The following TENT5D variants were observed in gnomAD, a reference collection of about 807,000 sequenced individuals.
TENT5D encodes the protein terminal nucleotidyltransferase 5D.
For missense variants in TENT5D, 191 were observed against 287.0 expected (o/e 0.67, Z 2.42); for synonymous variants, 103 against 100.6 (o/e 1.02, Z -0.15).
intron 1 of TENT5D, among the ~76,000 whole-genome samples, chrX:80,421,950 G>C (rs1176384621): frequency 9.0e-6 from 1 of 111,031 alleles, no homozygotes; most frequent in Admixed American, 9.6e-5. Context: ...TCGGGGGGTG[G>C]GAAAAAAAGT....
chrX:80,379,801 G>A (rs1384738432), intron 3 of TENT5D, among the ~76,000 whole-genome samples: 1 of 110,454 alleles, frequency 9.1e-6, no homozygotes, highest in Non-Finnish European at 1.9e-5. Flanking sequence ...GATCTGTGGT[G>A]ATATCCCCTT....
chrX:80,381,807 A>C (rs1297352680), intron 3 of TENT5D, among the ~76,000 whole-genome samples: 1 of 111,807 alleles, frequency 8.9e-6, no homozygotes, highest in East Asian at 2.8e-4. Flanking sequence ...TTTCAGCTCC[A>C]TCAGGTCATT....
intron 3 of TENT5D, among the ~76,000 whole-genome samples, chrX:80,373,194 A>T (rs921118898): frequency 4.5e-5 from 5 of 111,275 alleles, no homozygotes; most frequent in Admixed American, 9.6e-5. Context: ...ATACATTTTT[A>T]AAAATAATTT....
intron 3 of TENT5D, among the ~76,000 whole-genome samples, chrX:80,368,270 G>A (rs936114469): frequency 9.0e-6 from 1 of 111,651 alleles, no homozygotes; most frequent in Non-Finnish European, 1.9e-5. Flanking sequence ...AGAACAGTGA[G>A]GGCCTCCTTG....
intron 3 of TENT5D, among the ~76,000 whole-genome samples, chrX:80,394,320 GT>G (rs202247300): frequency 2.7e-4 from 20 of 75,008 alleles, no homozygotes; most frequent in South Asian, 6.4e-4. Context: ...ATGTTGAGCA[GT>G]TTTTTTTTTT....
intron 3 of TENT5D, among the ~76,000 whole-genome samples, chrX:80,370,500 G>A (rs1198431052): frequency 1.8e-5 from 2 of 111,707 alleles, no homozygotes; most frequent in African/African-American, 6.5e-5. Flanking sequence ...TATAGCATAT[G>A]TTTCACAATT....
chrX:80,397,990 A>G (rs1294278548), intron 3 of TENT5D, among the ~76,000 whole-genome samples: 2 of 111,341 alleles, frequency 1.8e-5, no homozygotes, highest in African/African-American at 3.3e-5. Flanking sequence ...AGAGGGAGCT[A>G]TACTGTTTTT....
At chrX:80,357,620 T>C (rs1006094731) in intron 3 of TENT5D, among the ~76,000 whole-genome samples, 7 of 111,671 alleles carry the variant, frequency 6.3e-5, no homozygotes, top group Non-Finnish European at 3.8e-5. Flanking sequence ...TGTTTTTTTC[T>C]TGTAAATTTG....
At chrX:80,361,239 A>G (rs750315101) in intron 3 of TENT5D, among the ~76,000 whole-genome samples, 6 of 112,129 alleles carry the variant, frequency 5.4e-5, no homozygotes, top group South Asian at 7.4e-4. Context: ...TTAGTTTATC[A>G]GTAGTTAAAA....
At position 80,379,280 on chromosome X, in the gene TENT5D, G is replaced by A. The variant is rs191409824; in HGVS notation, c.-142+36716G>A. 9.2e-4 allele frequency among the ~76,000 whole-genome samples: 100 copies of A among 109,178 alleles called. 1 individual carries two copies. In the East Asian group the frequency reaches 0.027, roughly 29 times the overall value. 94.8% of individuals were successfully genotyped at this position (109,178 alleles called of 115,157 possible). On this transcript the variant is annotated intron_variant, in intron 3 of 4. Transcript: ENST00000538312. Reference sequence around the variant, plus strand: ...GATTTGCATATGTTGAACCAGCATTGCATCCCAGGGATTAAGCCAACTTGA... The same window carrying A: ...GATTTGCATATGTTGAACCAGCATTACATCCCAGGGATTAAGCCAACTTGA...
chrX:80,347,683 C>T (rs1294155380), intron 3 of TENT5D, among the ~76,000 whole-genome samples: 1 of 111,845 alleles, frequency 8.9e-6, no homozygotes, highest in Non-Finnish European at 1.9e-5. Flanking sequence ...TTAATTAGAT[C>T]TCATTTGTCA....
At chrX:80,409,982 A>C (rs1429468751) in intron 3 of TENT5D, among the ~76,000 whole-genome samples, 1 of 109,976 alleles carries the variant, frequency 9.1e-6, no homozygotes, top group African/African-American at 3.3e-5. Context: ...ACCTGAGAAA[A>C]GCAATGGGGA....
At chrX:80,423,167 T>C (rs1184224870) in intron 1 of TENT5D, among the ~76,000 whole-genome samples, 3 of 112,119 alleles carry the variant, frequency 2.7e-5, no homozygotes, top group African/African-American at 9.7e-5. Flanking sequence ...TTGGTGACTG[T>C]TGAATTCACA....
Position 80,397,693 on chromosome X carries a change from G to A in TENT5D, c.-141-40917G>A, listed in dbSNP as rs976828389. ...TGCAATCCCGGCACCTCGGGAGGCC[G>A]AGGCTGGCGGATCACTCGCGGTTAG... On this transcript the variant is annotated intron_variant, in intron 3 of 4. Transcript: ENST00000538312. Among the ~76,000 whole-genome samples the A allele has an allele frequency of 1.2e-4, 13 of 112,659 alleles. 1 individual carries two copies. Among genetic ancestry groups the A allele is most frequent in the Admixed American group, 4.6e-4 (5 of 10,762 alleles).
At chrX:80,387,755 G>A (rs113198975) in intron 3 of TENT5D, among the ~76,000 whole-genome samples, 7,127 of 111,068 alleles carry the variant, frequency 0.064, 262 homozygotes, top group Middle Eastern at 0.13. Context: ...CACCGCCTAT[G>A]TTTTCTCAAG....
In TENT5D at chrX:80,391,043, T is replaced by C. The variant is rs902357709; in HGVS notation, c.-141-47567T>C. Among the ~76,000 whole-genome samples, 8 of 112,290 alleles carry C rather than the reference T, an allele frequency of 7.1e-5. No individual in the cohort carries two copies. The Admixed American group carries it at 7.6e-4, about 11-fold the overall frequency. ...ATCCTCATGATCTTTGGAAAGCTAA[T>C]ATTCAATTACCTTTCTCAATGTTAG... is the stretch of plus-strand genomic sequence containing the variant. On this transcript the variant is annotated intron_variant, in intron 3 of 4. Transcript: ENST00000538312.
intron 1 of TENT5D, among the ~76,000 whole-genome samples, chrX:80,425,149 T>G (rs1377745212): frequency 6.2e-5 from 7 of 112,601 alleles, no homozygotes; most frequent in Non-Finnish European, 1.3e-4. Context: ...CAAAAGAAAA[T>G]GCATTCTTAT....
At chrX:80,409,129 C>G (rs1242124384) in intron 3 of TENT5D, among the ~76,000 whole-genome samples, 1 of 109,211 alleles carries the variant, frequency 9.2e-6, no homozygotes, top group African/African-American at 3.3e-5. Context: ...ATGACAAACC[C>G]ACAGCCAATA....
chrX:80,382,866 C>T (rs1278331661), intron 3 of TENT5D, among the ~76,000 whole-genome samples: 1 of 112,287 alleles, frequency 8.9e-6, no homozygotes, highest in African/African-American at 3.2e-5. Context: ...AGTATTAAGG[C>T]AGGAGTGTCG....
Sources: gnomAD v4.1 joint callset for allele counts (sites outside exome capture counted in the v4.1 genomes callset) on GRCh38, gnomAD v4.1.1 for gene constraint, MANE v1.5 for transcripts, NCBI Gene and HGNC (gene_info 2026-07-23, HGNC 2026-07-21) for gene names.